The following TCF12 variants were observed in gnomAD, a reference collection of about 807,000 sequenced individuals.
The protein encoded by TCF12 is transcription factor 12, also known as DNA-binding protein HTF4.
TCF12 carries 45 observed loss-of-function variants against 86.0 expected under a neutral mutation model. The ratio of observed to expected loss-of-function variants is 0.52; its 90% CI spans 0.41 to 0.67. The LOEUF (loss-of-function observed/expected upper bound fraction) is 0.67, where lower values mean the gene tolerates loss of function less well. Ranked by LOEUF, TCF12 falls within the 30% of genes least tolerant of loss-of-function variation. The pLI, the probability that TCF12 is intolerant of heterozygous loss-of-function variation, is 0.00. For missense variants in TCF12, 881 were observed against 859.9 expected, an observed-to-expected ratio of 1.02 and a Z score of -0.31; for synonymous variants, 330 against 299.6, an observed-to-expected ratio of 1.10 and a Z score of -1.05.
intron 5 of TCF12, among the ~76,000 whole-genome samples, chr15:57,144,757 C>A (rs2053237320): frequency 6.6e-6 from 1 of 152,116 alleles, no homozygotes; most frequent in Admixed American, 6.5e-5. Flanking sequence ...CATCATCATG[C>A]CCAGCTAACT....
chr15:57,111,304 A>G (rs1437466832), intron 5 of TCF12, among the ~76,000 whole-genome samples: 2 of 152,090 alleles, frequency 1.3e-5, no homozygotes, highest in Non-Finnish European at 2.9e-5. Flanking sequence ...CTTTTGCTAG[A>G]TGTTCATTGT....
intron 3 of TCF12, among the ~76,000 whole-genome samples, chr15:56,950,832 C>A (rs568605859): frequency 2.9e-5 from 4 of 140,092 alleles, no homozygotes; most frequent in Non-Finnish European, 6.1e-5. Context: ...TCTCGGCTTA[C>A]CACAACCTCT....
chr15:57,077,325 ATATGTGTGTGTGTGTGTGTGTGTGTG>A (rs1197924193), intron 4 of TCF12, among the ~76,000 whole-genome samples: 5 of 127,274 alleles, frequency 3.9e-5, no homozygotes, highest in Admixed American at 8.2e-5. Context: ...ATATGTATAT[ATATGTGTGTGTGTGTGTGTGTGTGTG>A]TGTGTGTGTG....
At chr15:56,975,017 AT>A (rs1483864915) in intron 3 of TCF12, among the ~76,000 whole-genome samples, 1 of 152,142 alleles carries the variant, frequency 6.6e-6, no homozygotes, top group African/African-American at 2.4e-5. Flanking sequence ...TCCTTAAAAT[AT>A]ATTTGGTTTA....
intron 6 of TCF12, among the ~76,000 whole-genome samples, chr15:57,184,545 AG>A (rs1381099660): frequency 6.6e-6 from 1 of 152,210 alleles, no homozygotes; most frequent in Non-Finnish European, 1.5e-5. Flanking sequence ...TAAATGCAGC[AG>A]GTACCTCAAA....
intron 8 of TCF12, among the ~76,000 whole-genome samples, chr15:57,223,383 A>G (rs1269156487): frequency 6.6e-6 from 1 of 152,030 alleles, no homozygotes; most frequent in Non-Finnish European, 1.5e-5. Context: ...ATGTAAAAAT[A>G]CATATATATA....
At chr15:57,243,603 C>CCAAG in intron 13 of TCF12, 53 bp downstream of exon 13, 2 of 1,415,984 alleles carry the variant, frequency 1.4e-6, no homozygotes, top group Non-Finnish European at 2.0e-6. Context: ...GGAAATATTT[C>CCAAG]TAGTTCATTT....
intron 5 of TCF12, among the ~76,000 whole-genome samples, chr15:57,125,644 A>G (rs1490296241): frequency 6.6e-6 from 1 of 152,236 alleles, no homozygotes; most frequent in East Asian, 1.9e-4. Flanking sequence ...CTAGAAAGCA[A>G]GAAGTTTTCT....
chr15:57,264,382 G>A (rs2060747327), intron 18 of TCF12, among the ~76,000 whole-genome samples: 1 of 151,280 alleles, frequency 6.6e-6, no homozygotes, highest in African/African-American at 2.4e-5. Flanking sequence ...TGTAGTTTTA[G>A]TGGAGACGGG....
At chr15:57,126,482 A>G (rs1231495859) in intron 5 of TCF12, among the ~76,000 whole-genome samples, 1 of 152,182 alleles carries the variant, frequency 6.6e-6, no homozygotes, top group African/African-American at 2.4e-5. Flanking sequence ...TGTCAGTCCT[A>G]TTGGAGAATC....
chr15:56,985,833 T>C (rs1333745255), intron 3 of TCF12, among the ~76,000 whole-genome samples: 5 of 152,192 alleles, frequency 3.3e-5, no homozygotes, highest in African/African-American at 1.2e-4. Flanking sequence ...ACTAAAAATT[T>C]ATTTCCTGCA....
chr15:57,068,811 C>T lies in TCF12; in HGVS notation c.222+4988C>T, dbSNP rs530082883. On this transcript the variant is annotated intron_variant, in intron 4 of 20. Transcript: ENST00000333725. ...CCATGGGAAAGTTACTTCTATGTGT[C>T]TTAGTTTTCTGGTCTCTAAAATTAT... Among the ~76,000 whole-genome samples, 9 of 152,064 alleles carry T rather than the reference C, an allele frequency of 5.9e-5. No individual in the cohort carries two copies. The East Asian group carries it at 1.4e-3, about 23-fold the overall frequency.
In TCF12 at chr15:57,176,931, G is replaced by A. The variant is rs111827327; in HGVS notation, c.390+10465G>A. Among the ~76,000 whole-genome samples, 121 of 152,300 alleles carry A rather than the reference G, an allele frequency of 7.9e-4. 4 individuals are homozygous for A. Among genetic ancestry groups the A allele is most frequent in the African/African-American group, 2.9e-3 (119 of 41,556 alleles). On this transcript the variant is annotated intron_variant, in intron 6 of 20. Coordinates refer to ENST00000333725, the MANE Select transcript of TCF12 (RefSeq NM_207037.2). ...GGCTAACAATCTAGTCCTCCTTTGG[G>A]GAGTAGATTGGTGATTTAGGGAATT...
intron 18 of TCF12, among the ~76,000 whole-genome samples, chr15:57,265,016 C>T (rs2060785338): frequency 6.6e-6 from 1 of 151,760 alleles, no homozygotes; most frequent in Non-Finnish European, 1.5e-5. Context: ...AAGCGTGAGC[C>T]ACCACACCCG....
At chr15:57,088,850 G>A (rs987055279) in intron 4 of TCF12, among the ~76,000 whole-genome samples, 14 of 151,980 alleles carry the variant, frequency 9.2e-5, no homozygotes, top group Admixed American at 9.2e-4. Context: ...TCAACTAGAT[G>A]ATACATTGAC....
chr15:57,273,355 G>T, intron 19 of TCF12, 93 bp downstream of exon 19: 1 of 1,302,096 alleles, frequency 7.7e-7, no homozygotes, highest in Non-Finnish European at 1.1e-6. Context: ...GAAGTTGTTT[G>T]TTATTTCTCC....
intron 17 of TCF12, 42 bp from the exon 18 acceptor site, chr15:57,263,070 A>C: frequency 6.4e-7 from 1 of 1,568,824 alleles, no homozygotes. Flanking sequence ...TTCATATATG[A>C]GTCTCGTCTT....
intron 12 of TCF12, among the ~76,000 whole-genome samples, chr15:57,234,597 G>T (rs1393232007): frequency 6.6e-6 from 1 of 152,164 alleles, no homozygotes; most frequent in African/African-American, 2.4e-5. Flanking sequence ...ATGTTAAAAT[G>T]AGTAAAAGTG....
chr15:57,007,796 T>TTCTTTCTTTCTTTCTTTCTC (rs1567241751), intron 3 of TCF12, among the ~76,000 whole-genome samples: 26 of 136,774 alleles, frequency 1.9e-4, no homozygotes, highest in African/African-American at 7.4e-4. Context: ...CTTTCTCTCT[T>TTCTTTCTTTCTTTCTTTCTC]TCTTTCTTTC....
Sources: gnomAD v4.1 joint callset for allele counts (sites outside exome capture counted in the v4.1 genomes callset) on GRCh38, gnomAD v4.1.1 for gene constraint, MANE v1.5 for transcripts, NCBI Gene and HGNC (gene_info 2026-07-23, HGNC 2026-07-21) for gene names.